The following CFAP52 variants were observed in gnomAD, a reference collection of about 807,000 sequenced individuals.
CFAP52 encodes cilia and flagella associated protein 52.
Under a neutral mutation model 70.5 loss-of-function variants are expected in CFAP52, and 57 were observed. That is an observed-to-expected ratio of 0.81 (90% CI 0.65 to 1.01). The LOEUF (loss-of-function observed/expected upper bound fraction) is 1.01. Among genes scored for constraint, CFAP52 ranks in the 50% least tolerant of loss-of-function variants. The pLI is 0.00. For missense variants in CFAP52, 785 were observed against 788.5 expected, an observed-to-expected ratio of 1.00 and a Z score of 0.05; for synonymous variants, 267 against 292.5, an observed-to-expected ratio of 0.91 and a Z score of 0.89.
chr17:9,592,327 G>A (rs562924273), intron 3 of CFAP52, among the ~76,000 whole-genome samples: 53 of 152,136 alleles, frequency 3.5e-4, no homozygotes, highest in Non-Finnish European at 5.4e-4. Flanking sequence ...TTAGCTGGGC[G>A]TGGTGGTGGT....
chr17:9,628,455 T>C (rs1910320548), intron 8 of CFAP52, among the ~76,000 whole-genome samples: 1 of 151,998 alleles, frequency 6.6e-6, no homozygotes, highest in Non-Finnish European at 1.5e-5. Flanking sequence ...AATTTTTGTA[T>C]TTTTAGTAGA....
At chr17:9,611,870 A>G (rs1385088655) in intron 7 of CFAP52, among the ~76,000 whole-genome samples, 3 of 152,164 alleles carry the variant, frequency 2.0e-5, no homozygotes, top group Non-Finnish European at 4.4e-5. Context: ...ACAACTGGGT[A>G]TTTAGGTTGT....
chr17:9,579,414 A>T (rs1392524864), intron 1 of CFAP52, among the ~76,000 whole-genome samples: 1 of 152,182 alleles, frequency 6.6e-6, no homozygotes, highest in Non-Finnish European at 1.5e-5. Context: ...AGGGACTGGC[A>T]GGATAACACA....
chr17:9,613,860 C>A (rs1382787578), intron 8 of CFAP52, among the ~76,000 whole-genome samples: 1 of 151,176 alleles, frequency 6.6e-6, no homozygotes, highest in African/African-American at 2.4e-5. Context: ...AGTTTCCGTT[C>A]CCTGAATCCC....
intron 1 of CFAP52, among the ~76,000 whole-genome samples, chr17:9,578,168 G>A (rs370442957): frequency 6.6e-6 from 1 of 152,222 alleles, no homozygotes; most frequent in South Asian, 2.1e-4. Context: ...TACTCATGAA[G>A]GTGGTCCCAA....
chr17:9,612,204 G>A, intron 7 of CFAP52, 105 bp from the exon 8 acceptor site: 1 of 1,410,894 alleles, frequency 7.1e-7, no homozygotes, highest in African/African-American at 1.4e-5. Context: ...GTGAGGGCGT[G>A]TCTGAAATTA....
chr17:9,638,465 A>G (rs1182989720), intron 11 of CFAP52, 144 bp from the exon 12 acceptor site: 1 of 677,662 alleles, frequency 1.5e-6, no homozygotes, highest in Non-Finnish European at 2.6e-6. Flanking sequence ...AAATACAAGC[A>G]CCACTTTGCT....
At chr17:9,593,200 G>A (rs1041365288) in intron 3 of CFAP52, among the ~76,000 whole-genome samples, 1 of 151,784 alleles carries the variant, frequency 6.6e-6, no homozygotes, top group South Asian at 2.1e-4. Context: ...TTAACATAAC[G>A]CCCCCTCCCC....
At chr17:9,604,847 C>T (rs1369325877) in intron 6 of CFAP52, among the ~76,000 whole-genome samples, 1 of 151,818 alleles carries the variant, frequency 6.6e-6, no homozygotes, top group African/African-American at 2.4e-5. Flanking sequence ...GAAAGATACT[C>T]TATGTCTTAT....
Position 9,632,256 on chromosome 17 carries a change from T to G in CFAP52, c.1175-632T>G, listed in dbSNP as rs1021665645. ...CCATGCGAGGCAAGTTTTTTTTTGT[T>G]TTTTTTTTTCATATTTTTTGTAGAG... On this transcript the variant is annotated intron_variant, in intron 9 of 13. Transcript: ENST00000352665. Among the ~76,000 whole-genome samples, 7 of 145,598 alleles carry G rather than the reference T, an allele frequency of 4.8e-5. No homozygotes were observed. The South Asian group carries it at 1.5e-3, about 31-fold the overall frequency.
chr17:9,589,481 C>G (rs1807022), intron 3 of CFAP52, among the ~76,000 whole-genome samples: 17,597 of 152,010 alleles, frequency 0.12, 1,058 homozygotes, highest in Non-Finnish European at 0.12. Context: ...GCCTGAAATC[C>G]CAGCACTTTG....
chr17:9,598,760 C>A (rs371149762), intron 5 of CFAP52, among the ~76,000 whole-genome samples: 1,008 of 131,836 alleles, frequency 7.6e-3, no homozygotes, highest in Middle Eastern at 0.017. Context: ...CACTCTGTTT[C>A]AAAAAAAAAA....
intron 11 of CFAP52, among the ~76,000 whole-genome samples, chr17:9,636,187 G>GAAAGA (rs72046857): frequency 0.049 from 3,904 of 78,972 alleles, 328 homozygotes; most frequent in African/African-American, 0.18. Flanking sequence ...AAAAAAGAAA[G>GAAAGA]AAAGAAAGAA....
intron 9 of CFAP52, 28 bp downstream of exon 9, chr17:9,628,848 T>A: frequency 6.2e-7 from 1 of 1,613,288 alleles, no homozygotes. Flanking sequence ...AGATCTGGCT[T>A]GGGGCTCTAG....
At chr17:9,584,312 G>C in intron 1 of CFAP52, 1 of 1,289,646 alleles carries the variant, frequency 7.8e-7, no homozygotes, top group Non-Finnish European at 1.0e-6. Context: ...TTTGGAGTAC[G>C]GGAGTTGCCT....
chr17:9,622,581 T>C (rs954858323), intron 8 of CFAP52, among the ~76,000 whole-genome samples: 18 of 151,386 alleles, frequency 1.2e-4, no homozygotes, highest in Admixed American at 1.1e-3. Context: ...AAGATGATGA[T>C]GATGATGAGT....
intron 3 of CFAP52, among the ~76,000 whole-genome samples, chr17:9,588,544 C>T (rs536969230): frequency 2.0e-5 from 3 of 152,192 alleles, no homozygotes; most frequent in South Asian, 4.1e-4. Flanking sequence ...CTACAGCCCC[C>T]GAGTGTTCTT....
At position 9,631,066 on chromosome 17, in the gene CFAP52, G is replaced by GAAAGAAAGAAAGAAAA. The variant is rs1555544308; in HGVS notation, c.1175-1807_1175-1806insAAAAGAAAGAAAGAAA. Among the ~76,000 whole-genome samples, 79 of 123,270 alleles carry GAAAGAAAGAAAGAAAA rather than the reference G, an allele frequency of 6.4e-4. 6 individuals carry two copies. The highest frequency in any genetic ancestry group is 1.7e-3 in the Admixed American group (22 of 12,802). 80.9% of individuals were successfully genotyped at this position (123,270 alleles called of 152,430 possible). The stretch of plus-strand genomic sequence containing the variant: ...AGAGAGAGAGAGAGAAAGAAAGAAA[G>GAAAGAAAGAAAGAAAA]AAAGAAAGAAAGAAAGAGAAAGAAA... On this transcript the variant is annotated intron_variant, in intron 9 of 13. Transcript: ENST00000352665.
chr17:9,640,355 T>A (rs1461832552), intron 12 of CFAP52, among the ~76,000 whole-genome samples: 2 of 151,834 alleles, frequency 1.3e-5, no homozygotes, highest in Non-Finnish European at 2.9e-5. Flanking sequence ...TATTAAGCCC[T>A]GCATGCATTA....
Sources: gnomAD v4.1 joint callset for allele counts (sites outside exome capture counted in the v4.1 genomes callset) on GRCh38, gnomAD v4.1.1 for gene constraint, MANE v1.5 for transcripts, NCBI Gene and HGNC (gene_info 2026-07-23, HGNC 2026-07-21) for gene names.